GARRE1: variants seen among roughly 807,000 people sequenced by gnomAD.
GARRE1 encodes granule associated Rac and RHOG effector 1, also known as granule associated Rac and RHOG effector protein 1.
In GARRE1, 49 loss-of-function variants were observed where a neutral mutation model predicts 103.2. The observed-to-expected ratio is 0.47, with a 90% CI of 0.38 to 0.60. GARRE1 has a LOEUF of 0.60. Among genes scored for constraint, GARRE1 ranks in the 20% least tolerant of loss-of-function variants. The pLI is 0.00. For missense variants in GARRE1, 1,199 were observed against 1,370.5 expected (o/e 0.87, Z 1.98); for synonymous variants, 505 against 532.8 (o/e 0.95, Z 0.72).
At chr19:34,318,025 C>A (rs2074067860) in intron 2 of GARRE1, among the ~76,000 whole-genome samples, 1 of 152,152 alleles carries the variant, frequency 6.6e-6, no homozygotes, top group African/African-American at 2.4e-5. Flanking sequence ...GGGGCTTCAG[C>A]CTGTGATGTC....
chr19:34,279,582 C>T (rs1599752814), intron 1 of GARRE1, among the ~76,000 whole-genome samples: 1 of 152,074 alleles, frequency 6.6e-6, no homozygotes, highest in East Asian at 1.9e-4. Flanking sequence ...GAAGTGGTAT[C>T]TCACTGTGGT....
rs769130065 is a variant in GARRE1, at chr19:34,300,599, T to A, written c.126T>A (p.Ser42Arg). 6.2e-7 allele frequency: 1 copy of A among 1,613,466 alleles called. No individual in the cohort carries two copies. The change falls in exon 2 of 14, where the codon AGT (serine) becomes AGA (arginine). Residue 42 changes from serine (S) to arginine (R), a missense_variant. Ser to Arg is a moderately radical substitution (Grantham distance 110). Coordinates refer to ENST00000299505, the MANE Select transcript of GARRE1 (RefSeq NM_014686.5). Reference sequence around the variant, plus strand: ...TGCCTGAGCTGGGCCGAGCACTGAGTGCTCCCCTGGCATCCACGGCCACCA... The same window carrying A: ...TGCCTGAGCTGGGCCGAGCACTGAGAGCTCCCCTGGCATCCACGGCCACCA... ...YPMPELGRAL[S>R]APLASTATTA... is the part of the protein sequence containing the mutation.
intron 2 of GARRE1, among the ~76,000 whole-genome samples, chr19:34,303,182 T>G (rs756327179): frequency 8.5e-5 from 13 of 152,266 alleles, no homozygotes; most frequent in Non-Finnish European, 1.6e-4. Context: ...AACTTTGATC[T>G]CTTATATTCG....
intron 1 of GARRE1, among the ~76,000 whole-genome samples, chr19:34,284,366 C>T (rs1239527614): frequency 6.6e-6 from 1 of 152,106 alleles, no homozygotes; most frequent in Non-Finnish European, 1.5e-5. Flanking sequence ...CTCAAGTGAT[C>T]TGCCCGTCTC....
intron 13 of GARRE1, among the ~76,000 whole-genome samples, chr19:34,352,116 A>G (rs2074240460): frequency 1.3e-5 from 2 of 148,580 alleles, no homozygotes. Flanking sequence ...TTTAAAAACA[A>G]TCAGCCGGGC....
intron 2 of GARRE1, among the ~76,000 whole-genome samples, chr19:34,302,219 C>T (rs2073983340): frequency 6.8e-6 from 1 of 147,524 alleles, no homozygotes; most frequent in Non-Finnish European, 1.5e-5. Context: ...CTCAAACTCG[C>T]AACTTCAGGT....
At chr19:34,299,614 C>T (rs528162833) in intron 1 of GARRE1, 65 bp from the exon 2 acceptor site, 1 of 152,310 alleles carries the variant, frequency 6.6e-6, no homozygotes, top group East Asian at 1.9e-4. Flanking sequence ...ATAATAGCAT[C>T]ACAGGAGTTA....
At chr19:34,313,241 C>T (rs969293598) in intron 2 of GARRE1, among the ~76,000 whole-genome samples, 4 of 152,150 alleles carry the variant, frequency 2.6e-5, no homozygotes, top group Non-Finnish European at 5.9e-5. Flanking sequence ...CAAGGAAGAG[C>T]GTAGCTGGAG....
At chr19:34,348,067 T>C (rs111964601) in intron 11 of GARRE1, 25 bp downstream of exon 11, 13 of 1,393,742 alleles carry the variant, frequency 9.3e-6, no homozygotes, top group African/African-American at 8.9e-5. Flanking sequence ...CTTCAGGGAA[T>C]CTGAGCTTGA....
intron 2 of GARRE1, among the ~76,000 whole-genome samples, chr19:34,314,161 T>G (rs2074049419): frequency 6.6e-6 from 1 of 152,204 alleles, no homozygotes; most frequent in South Asian, 2.1e-4. Flanking sequence ...CTCAGTTATC[T>G]TGAGTGGCCT....
chr19:34,344,879 C>T (rs557520536), intron 10 of GARRE1, among the ~76,000 whole-genome samples: 1 of 151,934 alleles, frequency 6.6e-6, no homozygotes, highest in South Asian at 2.1e-4. Context: ...CTCTACCGCC[C>T]CGAGGCTGGA....
intron 1 of GARRE1, among the ~76,000 whole-genome samples, chr19:34,255,205 AG>A (rs1213479793): frequency 6.6e-6 from 1 of 151,840 alleles, no homozygotes; most frequent in East Asian, 2.0e-4. Context: ...GGGGACCGGG[AG>A]GGCCGGGGCT....
chr19:34,284,469 C>T (rs1037752762), intron 1 of GARRE1, among the ~76,000 whole-genome samples: 5 of 152,116 alleles, frequency 3.3e-5, no homozygotes, highest in African/African-American at 4.8e-5. Flanking sequence ...AAATAGAAAT[C>T]GCTGATGACT....
At chr19:34,269,778 G>A (rs921052502) in intron 1 of GARRE1, among the ~76,000 whole-genome samples, 2 of 152,026 alleles carry the variant, frequency 1.3e-5, no homozygotes, top group African/African-American at 4.8e-5. Context: ...TTTAATCTTG[G>A]CCTCCTTAAA....
At chr19:34,321,827 A>G (rs1424515643) in intron 3 of GARRE1, among the ~76,000 whole-genome samples, 2 of 152,110 alleles carry the variant, frequency 1.3e-5, no homozygotes, top group East Asian at 1.9e-4. Flanking sequence ...AGCACAGCAG[A>G]TATGTTTATA....
rs369989539 is a variant in GARRE1, at chr19:34,328,131, G to A, written c.1084G>A (p.Asp362Asn). Residue 362 changes from aspartate (D) to asparagine (N), a missense_variant, in exon 6 of 14, where the codon GAC becomes AAC. Asp to Asn is a conservative substitution (Grantham distance 23, BLOSUM62 1). Transcript: ENST00000299505. ...CGTCTCCTTTAATGAGTCGGCCGCC[G>A]ACAATCTGAAACTTAAGACGGTAGC... ...KGVSFNESAA[D>N]NLKLKTHTML... is the part of the protein sequence containing the mutation. The A allele has an allele frequency of 3.4e-5, 55 of 1,613,784 alleles. No individual in the cohort carries two copies. Among genetic ancestry groups the A allele is most frequent in the East Asian group, 4.5e-5 (2 of 44,892 alleles).
chr19:34,278,152 T>C lies in GARRE1; in HGVS notation c.-795-21527T>C, dbSNP rs543149868. Among the ~76,000 whole-genome samples the C allele has an allele frequency of 4.0e-5, 6 of 151,878 alleles. No homozygotes were observed. The South Asian group carries it at 6.2e-4, about 16-fold the overall frequency. On this transcript the variant is annotated intron_variant, in intron 1 of 13. Coordinates refer to ENST00000299505, the MANE Select transcript of GARRE1 (RefSeq NM_014686.5). ...CCAGAACTTTTTCAACATCCCAAAC[T>C]GAAAGTCTTGGCCAGGCATGGTGGC...
At chr19:34,342,592 G>C in intron 10 of GARRE1, 137 bp downstream of exon 10, 1 of 778,018 alleles carries the variant, frequency 1.3e-6, no homozygotes, top group South Asian at 1.8e-5. Context: ...TTCTCACTGT[G>C]GAGGCAAGTA....
rs796079978 is a variant in GARRE1 at position 34,310,065 on chromosome 19, A to G, written c.495+9097A>G. 5.9e-5 allele frequency among the ~76,000 whole-genome samples: 9 copies of G among 152,326 alleles called. 1 individual carries two copies. Among genetic ancestry groups the G allele is most frequent in the African/African-American group, 2.2e-4 (9 of 41,570 alleles). ...TGAATGGCAATGTTGCTGTCTTTTTAGAGAGTAGGATTTAAAATTTTGAGT... is the reference window on the plus strand; with the variant it reads ...TGAATGGCAATGTTGCTGTCTTTTTGGAGAGTAGGATTTAAAATTTTGAGT... On this transcript the variant is annotated intron_variant, in intron 2 of 13. Coordinates refer to ENST00000299505, the MANE Select transcript of GARRE1 (RefSeq NM_014686.5).
Sources: allele counts gnomAD v4.1 joint callset (sites outside exome capture counted in the v4.1 genomes callset), GRCh38; gene constraint gnomAD v4.1.1; transcripts MANE v1.5; gene names NCBI Gene and HGNC (gene_info 2026-07-23, HGNC 2026-07-21).